The following CDH12 variants were observed in gnomAD, a reference collection of about 807,000 sequenced individuals.
CDH12 encodes cadherin-12.
A neutral mutation model predicts 74.1 loss-of-function variants in CDH12; 41 were observed. That is an observed-to-expected ratio of 0.55 (90% CI 0.43 to 0.72). CDH12 has a LOEUF of 0.72. Ranked by LOEUF, CDH12 falls within the 30% of genes least tolerant of loss-of-function variation. The probability of loss-of-function intolerance (pLI) is 0.00; values close to 1 mark genes in which losing one functional copy is unlikely to be tolerated. For synonymous variants in CDH12, 399 were observed against 355.0 expected, an observed-to-expected ratio of 1.12 and a Z score of -1.39; for missense variants, 945 against 977.2, an observed-to-expected ratio of 0.97 and a Z score of 0.44.
At position 21,896,079 on chromosome 5, in the gene CDH12, T is replaced by G. The variant is rs564723386; in HGVS notation, c.527-41289A>C. ...GAGAAGGTGCATTGGCTTCCACGCC[T>G]CTACATAGCGTAAGGTTTGAATGCT... On this transcript the variant is annotated intron_variant, in intron 6 of 14. Transcript: ENST00000382254. Among the ~76,000 whole-genome samples the G allele has an allele frequency of 5.3e-5, 8 of 152,254 alleles. No individual in the cohort carries two copies. The East Asian group carries it at 1.6e-3, about 30-fold the overall frequency.
intron 6 of CDH12, among the ~76,000 whole-genome samples, chr5:21,872,856 CATCT>C (rs1265599517): frequency 3.8e-5 from 5 of 130,596 alleles, no homozygotes; most frequent in African/African-American, 1.1e-4. Flanking sequence ...ATCGATCTAT[CATCT>C]ATCTACCTAT....
At chr5:22,355,641 CT>C (rs1420075990) in intron 3 of CDH12, among the ~76,000 whole-genome samples, 2 of 151,886 alleles carry the variant, frequency 1.3e-5, no homozygotes, top group African/African-American at 2.4e-5. Context: ...ACTTAAAAAG[CT>C]GTGCTAAGGA....
At chr5:22,729,160 A>G (rs1443524469) in intron 1 of CDH12, among the ~76,000 whole-genome samples, 1 of 151,838 alleles carries the variant, frequency 6.6e-6, no homozygotes, top group Non-Finnish European at 1.5e-5. Flanking sequence ...GTCAGAAATC[A>G]AGGCAGATCA....
chr5:22,180,736 A>G (rs2150337355), intron 4 of CDH12, among the ~76,000 whole-genome samples: 1 of 152,006 alleles, frequency 6.6e-6, no homozygotes, highest in South Asian at 2.1e-4. Context: ...CCTGACCTCA[A>G]GTGATCTGTC....
chr5:22,598,465 C>T (rs1239654509), intron 1 of CDH12, among the ~76,000 whole-genome samples: 1 of 152,116 alleles, frequency 6.6e-6, no homozygotes, highest in Admixed American at 6.6e-5. Context: ...TGATGAGGTG[C>T]CTTCCACCAT....
Position 22,836,340 on chromosome 5 carries a change from C to T in CDH12, c.-523+16718G>A, listed in dbSNP as rs1227261008. 2.1e-5 allele frequency among the ~76,000 whole-genome samples: 3 copies of T among 145,808 alleles called. No homozygotes were observed. The Admixed American group carries it at 2.1e-4, about 10-fold the overall frequency. On this transcript the variant is annotated intron_variant, in intron 1 of 14. Transcript: ENST00000382254. Reference sequence around the variant, plus strand: ...CTGGGTTCAAGTGATACTCCTGCCTCAGCCTCCTGAGTAGCTGGGACTACA... The same window carrying T: ...CTGGGTTCAAGTGATACTCCTGCCTTAGCCTCCTGAGTAGCTGGGACTACA...
rs533382280 is a variant in CDH12, at chr5:22,044,704, T to A, written c.231+33742A>T. On this transcript the variant is annotated intron_variant, in intron 5 of 14. Coordinates refer to ENST00000382254, the MANE Select transcript of CDH12 (RefSeq NM_004061.5). ...TTGATAAACAGGCCAAAAACACACA[T>A]TGCAGAAAAGGCAGTGTTTTCAATA... 1.1e-4 allele frequency among the ~76,000 whole-genome samples: 16 copies of A among 152,268 alleles called. No individual in the cohort carries two copies. The South Asian group carries it at 3.3e-3, about 32-fold the overall frequency.
chr5:22,532,527 A>T (rs1561473271), intron 1 of CDH12, among the ~76,000 whole-genome samples: 1 of 151,066 alleles, frequency 6.6e-6, no homozygotes, highest in Non-Finnish European at 1.5e-5. Flanking sequence ...TCCAGAGCTC[A>T]AAAATTACTT....
At chr5:21,830,199 CAA>C (rs1055199877) in intron 8 of CDH12, among the ~76,000 whole-genome samples, 1,781 of 24,808 alleles carry the variant, frequency 0.072, 3 homozygotes, top group Middle Eastern at 0.15. Flanking sequence ...AACTCCTTCT[CAA>C]AAAAAAAAAA....
chr5:22,569,810 C>A (rs1739458865), intron 1 of CDH12, among the ~76,000 whole-genome samples: 3 of 152,158 alleles, frequency 2.0e-5, no homozygotes, highest in Admixed American at 1.3e-4. Context: ...GTTACTTCCT[C>A]TACTAAAGTC....
intron 5 of CDH12, among the ~76,000 whole-genome samples, chr5:22,024,670 G>A (rs918367679): frequency 6.6e-6 from 1 of 151,998 alleles, no homozygotes; most frequent in Non-Finnish European, 1.5e-5. Context: ...ATGCTACCAT[G>A]CCTGGCTAAT....
intron 2 of CDH12, among the ~76,000 whole-genome samples, chr5:22,478,027 T>C (rs1746236897): frequency 6.6e-6 from 1 of 152,180 alleles, no homozygotes; most frequent in Non-Finnish European, 1.5e-5. Context: ...GGGATTAGAC[T>C]CATTATATAT....
intron 11 of CDH12, among the ~76,000 whole-genome samples, chr5:21,776,649 T>C (rs1193412680): frequency 6.6e-6 from 1 of 152,232 alleles, no homozygotes; most frequent in African/African-American, 2.4e-5. Flanking sequence ...CCATTTATAA[T>C]TAAGATTGCC....
intron 1 of CDH12, among the ~76,000 whole-genome samples, chr5:22,555,306 T>C (rs1738752781): frequency 6.6e-6 from 1 of 152,030 alleles, no homozygotes; most frequent in South Asian, 2.1e-4. Context: ...TACAGTGAAA[T>C]AATCAAAGAT....
At chr5:21,878,940 A>AGAAG (rs1391400995) in intron 6 of CDH12, among the ~76,000 whole-genome samples, 2 of 150,572 alleles carry the variant, frequency 1.3e-5, no homozygotes, top group African/African-American at 4.9e-5. Flanking sequence ...AAAGAAAGAA[A>AGAAG]GGAAAGAAAG....
intron 5 of CDH12, among the ~76,000 whole-genome samples, chr5:22,030,045 T>C (rs1362269499): frequency 2.1e-5 from 3 of 141,776 alleles, no homozygotes; most frequent in Non-Finnish European, 4.5e-5. Context: ...TTCTCACTTA[T>C]AGGTGGGAAC....
chr5:22,833,706 C>T (rs948491928), intron 1 of CDH12, among the ~76,000 whole-genome samples: 2 of 152,064 alleles, frequency 1.3e-5, no homozygotes. Context: ...TTTAGGAGCA[C>T]ATAATTGGCA....
At position 22,170,013 on chromosome 5, in the gene CDH12, C is replaced by CT. The variant is rs1748927431; in HGVS notation, c.-187+42484_-187+42485insA. ...AAAAATATGCCTAATTGAAATAAAC[C>CT]ACTACAATTTTATTTGCCATTACAA... On this transcript the variant is annotated intron_variant, in intron 4 of 14. Transcript: ENST00000382254. 3.3e-5 allele frequency among the ~76,000 whole-genome samples: 5 copies of CT among 151,688 alleles called. No individual in the cohort carries two copies. The South Asian group carries it at 1.0e-3, about 32-fold the overall frequency.
intron 13 of CDH12, among the ~76,000 whole-genome samples, chr5:21,759,260 T>C (rs201885793): frequency 0.034 from 5,141 of 152,192 alleles, 96 homozygotes; most frequent in Middle Eastern, 0.058. Context: ...TAAGTGGCTT[T>C]TTTTTTAATG....
Sources: gnomAD v4.1 joint callset for allele counts (sites outside exome capture counted in the v4.1 genomes callset) on GRCh38, gnomAD v4.1.1 for gene constraint, MANE v1.5 for transcripts, NCBI Gene and HGNC (gene_info 2026-07-23, HGNC 2026-07-21) for gene names.